Variants in SMURF2 observed in about 807,000 individuals in gnomAD.
SMURF2 encodes SMAD specific E3 ubiquitin protein ligase 2, also known as E3 ubiquitin-protein ligase SMURF2.
Under a neutral mutation model 109.6 loss-of-function variants are expected in SMURF2, and 48 were observed. The observed-to-expected ratio is 0.44, with a 90% CI of 0.35 to 0.56. SMURF2 has a LOEUF of 0.56. SMURF2 is among the 20% of genes least tolerant of loss of function. The pLI is 0.01. For synonymous variants in SMURF2, 288 were observed against 317.1 expected, an observed-to-expected ratio of 0.91 and a Z score of 0.97; for missense variants, 575 against 909.0, an observed-to-expected ratio of 0.63 and a Z score of 4.72.
At chr17:64,632,797 A>C (rs1025309672) in intron 1 of SMURF2, among the ~76,000 whole-genome samples, 1 of 152,234 alleles carries the variant, frequency 6.6e-6, no homozygotes, top group East Asian at 1.9e-4. Context: ...GCTTAAGAGA[A>C]GGGCTGTGAG....
intron 15 of SMURF2, among the ~76,000 whole-genome samples, chr17:64,553,096 T>TA (rs1555683748): frequency 4.6e-5 from 7 of 152,128 alleles, no homozygotes; most frequent in African/African-American, 1.7e-4. Context: ...CAGTAAAATA[T>TA]GAAAGTCCAT....
chr17:64,605,508 A>G (rs1969956725), intron 2 of SMURF2, among the ~76,000 whole-genome samples: 1 of 151,552 alleles, frequency 6.6e-6, no homozygotes, highest in African/African-American at 2.4e-5. Context: ...GGATCACTTG[A>G]GACCAGGAGT....
chr17:64,624,981 T>C (rs781803076), intron 1 of SMURF2, among the ~76,000 whole-genome samples: 5 of 152,202 alleles, frequency 3.3e-5, no homozygotes, highest in Admixed American at 6.5e-5. Flanking sequence ...AATAAGCAGC[T>C]ACCACATCCA....
intron 10 of SMURF2, among the ~76,000 whole-genome samples, chr17:64,569,320 C>T (rs964221293): frequency 6.6e-6 from 1 of 150,914 alleles, no homozygotes; most frequent in Admixed American, 6.6e-5. Flanking sequence ...AAAATCCATA[C>T]ACAAAAGTAA....
At position 64,545,786 on chromosome 17, in the gene SMURF2, C is replaced by T; in HGVS notation, c.*62G>A. 1 of 650,374 alleles carries T rather than the reference C, an allele frequency of 1.5e-6. No homozygotes were observed. The highest frequency in any genetic ancestry group is 2.6e-6 in the Non-Finnish European group (1 of 381,920). The allele number at this position is 650,374 out of a possible 1,614,324, so 40.3% of individuals were successfully genotyped here. On this transcript the variant is annotated 3_prime_UTR_variant, in exon 19 of 19. Transcript: ENST00000262435. ...TTTCAGCATATTCTTTGAAACTCTGCTGAAAGGAGGCTGTCAGTCAGGGTT... is the reference window on the plus strand; with the variant it reads ...TTTCAGCATATTCTTTGAAACTCTGTTGAAAGGAGGCTGTCAGTCAGGGTT...
At chr17:64,587,470 C>T (rs181022497) in intron 5 of SMURF2, among the ~76,000 whole-genome samples, 7 of 152,284 alleles carry the variant, frequency 4.6e-5, no homozygotes, top group African/African-American at 1.7e-4. Flanking sequence ...TCTCTGAAGT[C>T]CTTCTTTGCC....
chr17:64,598,563 T>C, intron 2 of SMURF2, 73 bp from the exon 3 acceptor site: 1 of 1,246,298 alleles, frequency 8.0e-7, no homozygotes, highest in Non-Finnish European at 1.1e-6. Flanking sequence ...AGCATTCCAT[T>C]TGCTACAAAA....
intron 2 of SMURF2, among the ~76,000 whole-genome samples, chr17:64,600,026 G>T (rs1281029833): frequency 1.3e-5 from 2 of 152,192 alleles, no homozygotes; most frequent in Non-Finnish European, 2.9e-5. Context: ...GTAGATAACA[G>T]GGAGCCATTT....
intron 9 of SMURF2, among the ~76,000 whole-genome samples, chr17:64,572,409 C>A (rs1248254618): frequency 6.6e-6 from 1 of 152,012 alleles, no homozygotes; most frequent in Non-Finnish European, 1.5e-5. Context: ...GCCAACAAAG[C>A]AAAACTGGAA....
intron 3 of SMURF2, among the ~76,000 whole-genome samples, chr17:64,596,563 T>C (rs1490924533): frequency 1.6e-5 from 2 of 128,784 alleles, no homozygotes; most frequent in African/African-American, 6.1e-5. Context: ...GAAGATAAAG[T>C]TCACCGAAAC....
rs782270662 is a variant in SMURF2 at position 64,555,975 on chromosome 17, A to G, written c.1455T>C (p.Phe485=). Residue 485 remains phenylalanine (F), a synonymous_variant, in exon 14 of 19, where the codon TTT becomes TTC. Transcript: ENST00000262435. ...CAGCCATTCCCATTATTCGTCCAAC[A>G]AAGTGGAAATAGGATAAATGTTCCT... The part of the protein sequence containing the change: ...VNPEHLSYFH[F]VGRIMGMAVF... 7 of 1,612,188 alleles carry G rather than the reference A, an allele frequency of 4.3e-6. No homozygotes were observed. The South Asian group carries it at 4.4e-5, about 10-fold the overall frequency.
chr17:64,590,042 T>C (rs1969728021), intron 5 of SMURF2, among the ~76,000 whole-genome samples: 1 of 152,058 alleles, frequency 6.6e-6, no homozygotes, highest in Admixed American at 6.6e-5. Flanking sequence ...TAAAATAAAG[T>C]ACCTTCAGTA....
intron 1 of SMURF2, among the ~76,000 whole-genome samples, chr17:64,622,122 T>C (rs1555690713): frequency 1.3e-5 from 2 of 150,776 alleles, no homozygotes; most frequent in South Asian, 4.1e-4. Context: ...AAAAGCAGTA[T>C]AATTTATAAG....
Position 64,583,486 on chromosome 17 carries a change from T to C in SMURF2, c.544A>G (p.Thr182Ala), listed in dbSNP as rs782453858. 6.2e-7 allele frequency: 1 copy of C among 1,613,952 alleles called. No homozygotes were observed. Among genetic ancestry groups the C allele is most frequent in the Non-Finnish European group, 8.5e-7 (1 of 1,179,888 alleles). Residue 182 changes from threonine (T) to alanine (A), a missense_variant, in exon 7 of 19, where the codon ACT (threonine) becomes GCT (alanine). Thr to Ala is a moderately conservative substitution (Grantham distance 58). This residue lies in a region of SMURF2 where 151 missense variants were observed against 178.4 expected (regional missense o/e 0.85). Transcript: ENST00000262435. ...RIQYLNHITR[T>A]TQWERPTRPA... The stretch of plus-strand genomic sequence containing the variant: ...CGTGTTGGGCGCTCCCATTGCGTAG[T>C]TCTTGTTATATGGTTTAGATACTGG...
At chr17:64,570,347 G>C (rs183812422) in intron 10 of SMURF2, among the ~76,000 whole-genome samples, 1 of 152,282 alleles carries the variant, frequency 6.6e-6, no homozygotes. Context: ...GAATTATTCA[G>C]GGGTCAGAGT....
rs1968896000 is a variant in SMURF2 at position 64,543,014 on chromosome 17, A to G, written c.*2834T>C. ...ACTAAGCATTCATGATGGAAAGGCA[A>G]GAGTATGAAAACAGATATCACATAT... On this transcript the variant is annotated 3_prime_UTR_variant, in exon 19 of 19. Transcript: ENST00000262435. 1 of 152,194 alleles carries G rather than the reference A, an allele frequency of 6.6e-6. No homozygotes were observed. Among genetic ancestry groups the G allele is most frequent in the African/African-American group, 2.4e-5 (1 of 41,448 alleles). 9.4% of individuals were successfully genotyped at this position (152,194 alleles called of 1,614,324 possible). A position where few individuals can be genotyped will look rare whatever the true frequency, so the allele number is the denominator to read the frequency against.
At chr17:64,609,856 AATCT>A (rs2144679987) in intron 1 of SMURF2, among the ~76,000 whole-genome samples, 1 of 152,228 alleles carries the variant, frequency 6.6e-6, no homozygotes, top group East Asian at 1.9e-4. Flanking sequence ...AAAAATTTGC[AATCT>A]ATCCATCTGA....
intron 1 of SMURF2, among the ~76,000 whole-genome samples, chr17:64,618,568 G>A (rs1555690309): frequency 6.6e-6 from 1 of 152,090 alleles, no homozygotes; most frequent in East Asian, 1.9e-4. Flanking sequence ...GCTGCTGCTG[G>A]AGACTCAACC....
Position 64,597,962 on chromosome 17 carries a change from T to A in SMURF2, c.200+420A>T, listed in dbSNP as rs1364236231. ...GTTTTCCAGTAAAAGCTTTATTGTA[T>A]CATTTGCCTTTTTAAAAAGGTGCAT... On this transcript the variant is annotated intron_variant, in intron 3 of 18. Transcript: ENST00000262435. Among the ~76,000 whole-genome samples the A allele has an allele frequency of 2.0e-5, 3 of 152,250 alleles. No homozygotes were observed. In the East Asian group the frequency reaches 5.8e-4, roughly 29 times the overall value.
Sources: allele counts gnomAD v4.1 joint callset (sites outside exome capture counted in the v4.1 genomes callset), GRCh38; gene constraint gnomAD v4.1.1; regional missense constraint gnomAD v4.1.1; transcripts MANE v1.5; gene names NCBI Gene and HGNC (gene_info 2026-07-23, HGNC 2026-07-21).